SPRR2G: variants seen among roughly 807,000 people sequenced by gnomAD.
SPRR2G encodes small proline rich protein 2G.
In SPRR2G, 1 loss-of-function variant was observed where a neutral mutation model predicts 0.7. That is an observed-to-expected ratio of 1.49 (90% CI 0.53 to 7.06). SPRR2G has a LOEUF of 7.06. Ranked by LOEUF, SPRR2G falls within the 30% of genes most tolerant of loss-of-function variation. The probability of loss-of-function intolerance (pLI) is 0.14; values close to 1 mark genes in which losing one functional copy is unlikely to be tolerated. For missense variants in SPRR2G, 96 were observed against 88.5 expected, an observed-to-expected ratio of 1.09 and a Z score of -0.34; for synonymous variants, 38 against 33.9, an observed-to-expected ratio of 1.12 and a Z score of -0.42.
At chr1:153,178,848 A>G in the SPRR2G span, among the ~76,000 whole-genome samples, 1 of 152,122 alleles carries the variant, frequency 6.6e-6, no homozygotes, top group East Asian at 1.9e-4. Flanking sequence ...TGTATGATTG[A>G]AATTTTTATT....
Position 153,150,107 on chromosome 1 carries a change from A to ACATC in SPRR2G, c.-1_3dup (p.Ser2AspfsTer34). On this transcript the variant is annotated frameshift_variant, in exon 2 of 2. Transcript: ENST00000368748. LOFTEE classifies it low-confidence loss of function (END_TRUNC). ...TGCTTGCACTGCTGCTGCTGGTAAG[A>ACATC]CATCTCTCCTCAGTCTCAGAGAATC... 1 of 1,612,160 alleles carries ACATC rather than the reference A, an allele frequency of 6.2e-7. No homozygotes were observed. Among genetic ancestry groups the ACATC allele is most frequent in the South Asian group, 1.1e-5 (1 of 91,002 alleles).
chr1:153,182,193 T>C, the SPRR2G span, among the ~76,000 whole-genome samples: 1 of 152,198 alleles, frequency 6.6e-6, no homozygotes, highest in Non-Finnish European at 1.5e-5. Context: ...TTCATATACT[T>C]GTTGGCCATT....
At chr1:153,155,133 A>G (rs541652995), upstream of SPRR2G, among the ~76,000 whole-genome samples, 7 of 152,240 alleles carry the variant, frequency 4.6e-5, no homozygotes, top group African/African-American at 1.4e-4. Flanking sequence ...CTCTAGTTAC[A>G]ATATCAATGA....
the SPRR2G span, among the ~76,000 whole-genome samples, chr1:153,193,265 C>G: frequency 6.6e-6 from 1 of 152,074 alleles, no homozygotes; most frequent in African/African-American, 2.4e-5. Flanking sequence ...CCCACTCACC[C>G]CCACCGATCA....
chr1:153,173,803 C>T, the SPRR2G span, among the ~76,000 whole-genome samples: 1 of 152,290 alleles, frequency 6.6e-6, no homozygotes, highest in East Asian at 1.9e-4. Flanking sequence ...GGTGGCAAGA[C>T]TCAAGTCTCT....
At chr1:153,192,683 A>G in the SPRR2G span, among the ~76,000 whole-genome samples, 15 of 150,914 alleles carry the variant, frequency 9.9e-5, no homozygotes, top group South Asian at 2.1e-4. Context: ...TTGTTATTAA[A>G]CTCTTCTCCT....
At chr1:153,181,455 T>C in the SPRR2G span, among the ~76,000 whole-genome samples, 49 of 152,276 alleles carry the variant, frequency 3.2e-4, no homozygotes, top group East Asian at 9.3e-3. Context: ...ATACAACACA[T>C]TCTCATTAAC....
At chr1:153,156,002 G>A in the SPRR2G span, among the ~76,000 whole-genome samples, 44 of 151,962 alleles carry the variant, frequency 2.9e-4, no homozygotes, top group Middle Eastern at 6.3e-3. Context: ...TTGAGCTTGC[G>A]AGCACTTTGA....
At chr1:153,181,615 C>T in the SPRR2G span, among the ~76,000 whole-genome samples, 24 of 152,148 alleles carry the variant, frequency 1.6e-4, no homozygotes, top group Admixed American at 2.6e-4. Context: ...ATTCTATTCT[C>T]TACCTTCATG....
the SPRR2G span, among the ~76,000 whole-genome samples, chr1:153,186,332 T>G: frequency 6.6e-6 from 1 of 152,196 alleles, no homozygotes; most frequent in East Asian, 1.9e-4. Context: ...TCTCCCACTA[T>G]TATTGTGTGA....
chr1:153,157,336 A>G, the SPRR2G span, among the ~76,000 whole-genome samples: 1 of 152,208 alleles, frequency 6.6e-6, no homozygotes, highest in Non-Finnish European at 1.5e-5. Context: ...AGGATATGAT[A>G]TTTGGAACTG....
At chr1:153,158,011 C>T in the SPRR2G span, among the ~76,000 whole-genome samples, 4,661 of 152,106 alleles carry the variant, frequency 0.031, 235 homozygotes, top group African/African-American at 0.11. Context: ...AGGTCCCTCC[C>T]TCAACATGTG....
chr1:153,160,517 T>C, the SPRR2G span, among the ~76,000 whole-genome samples: 1 of 143,392 alleles, frequency 7.0e-6, no homozygotes, highest in African/African-American at 2.4e-5. Context: ...ATGCCAACAG[T>C]ATGTAAGTGC....
the SPRR2G span, among the ~76,000 whole-genome samples, chr1:153,171,076 G>T: frequency 3.9e-5 from 6 of 152,146 alleles, no homozygotes; most frequent in African/African-American, 1.2e-4. Flanking sequence ...ACTTTGCTTG[G>T]CAAGGCTGTT....
the SPRR2G span, among the ~76,000 whole-genome samples, chr1:153,172,893 A>T: frequency 5.5e-4 from 84 of 152,334 alleles, 1 homozygote; most frequent in South Asian, 0.017. Flanking sequence ...ACTGACAGTG[A>T]CCACTTTTTT....
chr1:153,171,367 C>G, the SPRR2G span, among the ~76,000 whole-genome samples: 2 of 152,160 alleles, frequency 1.3e-5, no homozygotes, highest in African/African-American at 4.8e-5. Context: ...TATAAACATT[C>G]AAGATTCTTG....
chr1:153,155,395 A>G (rs935993611), upstream of SPRR2G, among the ~76,000 whole-genome samples: 1 of 151,832 alleles, frequency 6.6e-6, no homozygotes, highest in Non-Finnish European at 1.5e-5. Context: ...ACTTATCTAA[A>G]CTCCTCATTC....
the SPRR2G span, among the ~76,000 whole-genome samples, chr1:153,185,835 T>C: frequency 6.6e-6 from 1 of 152,218 alleles, no homozygotes; most frequent in African/African-American, 2.4e-5. Context: ...TTTCCTGCTT[T>C]CTGATGTAGG....
the SPRR2G span, among the ~76,000 whole-genome samples, chr1:153,197,708 GT>G: frequency 2.0e-5 from 3 of 152,176 alleles, no homozygotes; most frequent in South Asian, 4.1e-4. Context: ...TTCAGAGATG[GT>G]ATCTCTTAAC....
Sources: gnomAD v4.1 joint callset for allele counts (sites outside exome capture counted in the v4.1 genomes callset) on GRCh38, gnomAD v4.1.1 for gene constraint, MANE v1.5 for transcripts, NCBI Gene and HGNC (gene_info 2026-07-23, HGNC 2026-07-21) for gene names.